Variants in COL18A1 observed in about 807,000 individuals in gnomAD.
COL18A1 encodes collagen type XVIII alpha 1 chain, also known as collagen alpha-1(XVIII) chain.
In COL18A1, 133 loss-of-function variants were observed where a neutral mutation model predicts 168.0. The observed-to-expected ratio is 0.79, with a 90% CI of 0.69 to 0.91. The LOEUF is 0.91. COL18A1 is among the 40% of genes least tolerant of loss of function. The pLI, the probability that COL18A1 is intolerant of heterozygous loss-of-function variation, is 0.00. For missense variants in COL18A1, 2,126 were observed against 1,925.4 expected (o/e 1.10, Z -1.95); for synonymous variants, 949 against 809.0 (o/e 1.17, Z -2.94).
chr21:45,497,491 C>A, intron 31 of COL18A1, 108 bp from the exon 32 acceptor site: 2 of 1,398,178 alleles, frequency 1.4e-6, no homozygotes, highest in Admixed American at 2.0e-5. Context: ...CCATCTGATG[C>A]CCCCCCATCC....
chr21:45,461,961 A>G (rs536314693), intron 2 of COL18A1, among the ~76,000 whole-genome samples: 6 of 152,302 alleles, frequency 3.9e-5, no homozygotes, highest in African/African-American at 1.2e-4. Context: ...TCTAGTGGCA[A>G]TTAACTCCCT....
At chr21:45,496,212 T>C in intron 29 of COL18A1, 1 of 625,864 alleles carries the variant, frequency 1.6e-6, no homozygotes, top group South Asian at 1.5e-5. Flanking sequence ...GTCAGCAGGG[T>C]GGGGCATTTT....
rs1261102430 is a variant in COL18A1, at chr21:45,489,466, G to A, written c.1924-20G>A. 1.3e-6 allele frequency: 2 copies of A among 1,586,354 alleles called. No homozygotes were observed. Among genetic ancestry groups the A allele is most frequent in the African/African-American group, 1.3e-5 (1 of 74,484 alleles). ...GGGCTGGCCCCAGCAGGTGCTCACGGAGCCCCTTTTTTCACTTAGGGGGAT... is the reference window on the plus strand; with the variant it reads ...GGGCTGGCCCCAGCAGGTGCTCACGAAGCCCCTTTTTTCACTTAGGGGGAT... On this transcript the variant is annotated intron_variant, in intron 18 of 41. Transcript: ENST00000651438.
At chr21:45,422,955 TTTTTTTGTATTTTTGCCCAGCTAA>T in intron 2 of COL18A1, among the ~76,000 whole-genome samples, 1 of 152,052 alleles carries the variant, frequency 6.6e-6, no homozygotes, top group Non-Finnish European at 1.5e-5. Context: ...GTCCAGCTAA[TTTTTTTGTATTTTTGCCCAGCTAA>T]TTTTTTGTAT....
intron 2 of COL18A1, among the ~76,000 whole-genome samples, chr21:45,466,266 G>T (rs1489440271): frequency 6.6e-6 from 1 of 152,208 alleles, no homozygotes; most frequent in Non-Finnish European, 1.5e-5. Context: ...CTGCGGGGAG[G>T]ATGCTGGCTG....
At chr21:45,480,640 G>T in intron 12 of COL18A1, 60 bp from the exon 13 acceptor site, 2 of 1,611,696 alleles carry the variant, frequency 1.2e-6, no homozygotes, top group Non-Finnish European at 8.5e-7. Flanking sequence ...TTCTGGGGGT[G>T]GTGGTCATCC....
chr21:45,491,365 G>C, intron 22 of COL18A1, 51 bp downstream of exon 22: 1 of 1,088,496 alleles, frequency 9.2e-7, no homozygotes. Context: ...CCCCCACGGG[G>C]TGCAGAGATC....
chr21:45,412,097 C>T (rs1356426388), intron 2 of COL18A1, among the ~76,000 whole-genome samples: 2 of 152,152 alleles, frequency 1.3e-5, no homozygotes, highest in Non-Finnish European at 2.9e-5. Context: ...GTGCCCACTG[C>T]CCTGCAGGTG....
rs771123597 is a variant in COL18A1, at chr21:45,477,446, T to G, written c.964T>G (p.Trp322Gly). 3 of 1,613,142 alleles carry G rather than the reference T, an allele frequency of 1.9e-6. No individual in the cohort carries two copies. Among genetic ancestry groups the G allele is most frequent in the Non-Finnish European group, 2.5e-6 (3 of 1,179,660 alleles). ...TLPGSDSVST[W>G]DGSVRTPGGR... is the part of the protein sequence containing the mutation. ...TCCTGGCTCAGATTCTGTCTCCACG[T>G]GGGACGGGAGTGTCCGGACCCCTGG... is the stretch of plus-strand genomic sequence containing the variant. The change falls in exon 7 of 42, where the codon TGG becomes GGG. Residue 322 changes from tryptophan to glycine, a missense_variant. By Grantham distance (184) the Trp-to-Gly change is radical. Coordinates refer to ENST00000651438, the MANE Select transcript of COL18A1 (RefSeq NM_001379500.1).
In COL18A1 at chr21:45,493,215, C is replaced by A. The variant is rs370673713; in HGVS notation, c.2267C>A (p.Pro756Gln). ...NLGSKGERGSPGPKGEKGEPG... is the reference protein window; with the variant it reads ...NLGSKGERGSQGPKGEKGEPG... ...GGCTCTAAGGGCGAACGAGGCTCCC[C>A]GGGACCCAAGGTAAGGGGCTCAGGT... The change falls in exon 25 of 42, where the codon CCG becomes CAG. Residue 756 changes from proline (P) to glutamine (Q), a missense_variant. Coordinates refer to ENST00000651438, the MANE Select transcript of COL18A1 (RefSeq NM_001379500.1). The A allele has an allele frequency of 1.3e-6, 2 of 1,559,686 alleles. No individual in the cohort carries two copies. The highest frequency in any genetic ancestry group is 1.9e-5 in the Admixed American group (1 of 52,534).
intron 2 of COL18A1, among the ~76,000 whole-genome samples, chr21:45,439,925 T>C (rs1490086384): frequency 1.3e-5 from 2 of 152,244 alleles, no homozygotes; most frequent in Non-Finnish European, 2.9e-5. Context: ...GTTTGTCTGA[T>C]GACTTCCTGA....
chr21:45,417,264 C>T (rs2033474690), intron 2 of COL18A1, among the ~76,000 whole-genome samples: 1 of 152,148 alleles, frequency 6.6e-6, no homozygotes. Context: ...CTTGTCAGGG[C>T]CTTGTGGGAT....
chr21:45,474,582 G>A (rs555893493), intron 4 of COL18A1, among the ~76,000 whole-genome samples: 4 of 152,284 alleles, frequency 2.6e-5, no homozygotes, highest in East Asian at 3.9e-4. Flanking sequence ...GTTGTGTGGC[G>A]TGTGTGTTGG....
chr21:45,460,363 G>A (rs1475484261), intron 2 of COL18A1, among the ~76,000 whole-genome samples: 6 of 152,160 alleles, frequency 3.9e-5, no homozygotes, highest in East Asian at 1.9e-4. Context: ...CCACACACAC[G>A]CCGGCCAAGT....
chr21:45,474,911 C>A (rs2035588592), intron 4 of COL18A1, among the ~76,000 whole-genome samples: 1 of 152,206 alleles, frequency 6.6e-6, no homozygotes, highest in South Asian at 2.1e-4. Context: ...GACGCCAGAT[C>A]GTTCACATGG....
intron 2 of COL18A1, among the ~76,000 whole-genome samples, chr21:45,438,884 T>C (rs2034292698): frequency 6.6e-6 from 1 of 152,174 alleles, no homozygotes. Flanking sequence ...ACATTCCAGA[T>C]GGCGACCCGG....
chr21:45,481,226 G>A (rs1446436893), intron 13 of COL18A1, among the ~76,000 whole-genome samples: 1 of 152,202 alleles, frequency 6.6e-6, no homozygotes, highest in Non-Finnish European at 1.5e-5. Flanking sequence ...GGAGGAGCCT[G>A]CTTGGCCAAC....
intron 15 of COL18A1, among the ~76,000 whole-genome samples, chr21:45,484,847 T>C (rs933431865): frequency 2.0e-5 from 3 of 152,112 alleles, no homozygotes; most frequent in Admixed American, 1.3e-4. Flanking sequence ...TGATCAACTT[T>C]AAAATCAGCA....
intron 20 of COL18A1, 118 bp from the exon 21 acceptor site, chr21:45,490,718 C>T: frequency 4.4e-6 from 5 of 1,140,724 alleles, no homozygotes; most frequent in Non-Finnish European, 6.4e-6. Context: ...GCCTCCCTCC[C>T]AGGCCCCAGC....
Sources: allele counts gnomAD v4.1 joint callset (sites outside exome capture counted in the v4.1 genomes callset), GRCh38; gene constraint gnomAD v4.1.1; transcripts MANE v1.5; gene names NCBI Gene and HGNC (gene_info 2026-07-23, HGNC 2026-07-21).